DLGAP2: variants seen among roughly 807,000 people sequenced by gnomAD.
DLGAP2 encodes DLG associated protein 2.
Under a neutral mutation model 100.3 loss-of-function variants are expected in DLGAP2, and 26 were observed. That is an observed-to-expected ratio of 0.26 (90% confidence interval 0.19 to 0.36). The LOEUF is 0.36. DLGAP2 is among the 10% of genes least tolerant of loss of function. The pLI is 1.00. For synonymous variants in DLGAP2, 886 were observed against 630.1 expected (o/e 1.41, Z -6.08); for missense variants, 1,858 against 1,453.2 (o/e 1.28, Z -4.53).
intron 3 of DLGAP2, among the ~76,000 whole-genome samples, chr8:1,419,406 T>A (rs1267205496): frequency 3.6e-5 from 3 of 82,496 alleles, no homozygotes; most frequent in Non-Finnish European, 7.2e-5. Flanking sequence ...ACAGTAATTG[T>A]ACATATTTGT....
intron 2 of DLGAP2, among the ~76,000 whole-genome samples, chr8:1,173,846 T>C (rs1797189056): frequency 6.6e-6 from 1 of 152,226 alleles, no homozygotes; most frequent in African/African-American, 2.4e-5. Flanking sequence ...AGTGAGGCAA[T>C]GCGTCGCCCT....
At chr8:1,332,384 TGTTA>T (rs1009711472) in intron 3 of DLGAP2, among the ~76,000 whole-genome samples, 69 of 152,142 alleles carry the variant, frequency 4.5e-4, no homozygotes, top group African/African-American at 1.6e-3. Context: ...TGCACATGTG[TGTTA>T]GTGTGTGTCT....
Position 1,676,595 on chromosome 8 carries a change from G to A in DLGAP2, c.2265G>A (p.Gly755=), listed in dbSNP as rs767793627. Reference sequence around the variant, plus strand: ...GTCTGCGGGAATACCACTCTGTCGGGGTGCAAGTGGAAGATGAGAAGCGGT... The same window carrying A: ...GTCTGCGGGAATACCACTCTGTCGGAGTGCAAGTGGAAGATGAGAAGCGGT... ...SRGLREYHSV[G]VQVEDEKRHG... is the part of the protein sequence containing the mutation. The change falls in exon 11 of 15, where the codon GGG becomes GGA. Residue 755 remains glycine, a synonymous_variant. Coordinates refer to ENST00000637795, the MANE Select transcript of DLGAP2 (RefSeq NM_001346810.2). 5 of 1,613,168 alleles carry A rather than the reference G, an allele frequency of 3.1e-6. No homozygotes were observed. Among genetic ancestry groups the A allele is most frequent in the Non-Finnish European group, 2.5e-6 (3 of 1,179,602 alleles).
At chr8:1,453,033 G>C (rs148219378) in intron 3 of DLGAP2, among the ~76,000 whole-genome samples, 9 of 152,322 alleles carry the variant, frequency 5.9e-5, no homozygotes, top group African/African-American at 2.2e-4. Flanking sequence ...AGTGCCATCT[G>C]TGAAGGGTTA....
chr8:1,661,176 G>T (rs1798400975), intron 8 of DLGAP2, among the ~76,000 whole-genome samples: 1 of 152,198 alleles, frequency 6.6e-6, no homozygotes, highest in Non-Finnish European at 1.5e-5. Flanking sequence ...TTTTCTTCCT[G>T]TTCACGTTGG....
At chr8:1,568,684 G>A (rs1181991825) in intron 6 of DLGAP2, among the ~76,000 whole-genome samples, 25 of 67,236 alleles carry the variant, frequency 3.7e-4, no homozygotes, top group Admixed American at 7.2e-4. Context: ...ACACAAATCC[G>A]TCTCTGCCCG....
At chr8:1,650,287 A>T (rs968791957) in intron 8 of DLGAP2, among the ~76,000 whole-genome samples, 9 of 152,254 alleles carry the variant, frequency 5.9e-5, no homozygotes, top group Admixed American at 1.3e-4. Flanking sequence ...TAGATTTAGA[A>T]GCTCCATATA....
At position 1,080,548 on chromosome 8, in the gene DLGAP2, G is replaced by A. The variant is rs534996066; in HGVS notation, c.73+172582G>A. ...GAATAGGGACCTGGCCTCTGTGCTC[G>A]CACGTCTGAAGTGGGGTGGGAAAGC... On this transcript the variant is annotated intron_variant, in intron 2 of 14. Transcript: ENST00000637795. 2.0e-5 allele frequency among the ~76,000 whole-genome samples: 3 copies of A among 151,604 alleles called. 1 individual carries two copies. Among genetic ancestry groups the A allele is most frequent in the Admixed American group, 1.3e-4 (2 of 15,228 alleles).
intron 4 of DLGAP2, among the ~76,000 whole-genome samples, chr8:1,513,295 C>G (rs991743763): frequency 6.8e-6 from 1 of 146,438 alleles, no homozygotes; most frequent in Non-Finnish European, 1.5e-5. Flanking sequence ...GGATAAGCGT[C>G]TGCCTTTCCC....
intron 6 of DLGAP2, among the ~76,000 whole-genome samples, chr8:1,575,737 T>C (rs7004265): frequency 0.59 from 89,177 of 149,910 alleles, 28,082 homozygotes; most frequent in African/African-American, 0.82. Context: ...TTTGTTCTTG[T>C]GATAGTTTGC....
At chr8:1,111,916 A>T (rs187776832) in intron 2 of DLGAP2, among the ~76,000 whole-genome samples, 169 of 152,308 alleles carry the variant, frequency 1.1e-3, no homozygotes, top group African/African-American at 3.6e-3. Context: ...CTCTGGATAT[A>T]TACCCGCTAA....
intron 3 of DLGAP2, among the ~76,000 whole-genome samples, chr8:1,387,526 C>T (rs1186598699): frequency 2.0e-5 from 3 of 152,068 alleles, no homozygotes; most frequent in East Asian, 1.9e-4. Flanking sequence ...GGACGGTGGT[C>T]GTGGTTGCAC....
intron 1 of DLGAP2, among the ~76,000 whole-genome samples, chr8:828,093 C>T (rs868798309): frequency 6.6e-6 from 1 of 152,052 alleles, no homozygotes; most frequent in African/African-American, 2.4e-5. Context: ...CAAGTGGAGG[C>T]ACGGCGAGAT....
intron 2 of DLGAP2, among the ~76,000 whole-genome samples, chr8:930,472 G>A (rs1001873000): frequency 6.6e-6 from 1 of 152,360 alleles, no homozygotes; most frequent in South Asian, 2.1e-4. Flanking sequence ...AAGCCAGGGG[G>A]TGAGAGGGTT....
chr8:1,307,246 C>G (rs1199558156), intron 3 of DLGAP2, among the ~76,000 whole-genome samples: 1 of 152,080 alleles, frequency 6.6e-6, no homozygotes, highest in African/African-American at 2.4e-5. Context: ...CAAGAAGATT[C>G]ACAAATGACC....
chr8:1,493,235 A>T (rs1437380321), intron 3 of DLGAP2, among the ~76,000 whole-genome samples: 1 of 152,048 alleles, frequency 6.6e-6, no homozygotes, highest in African/African-American at 2.4e-5. Context: ...CCATGGATGG[A>T]GCGCATAGAG....
In DLGAP2 at chr8:1,704,643, TAC is replaced by T. The variant is rs944096545; in HGVS notation, c.*3239_*3240del. The T allele has an allele frequency of 3.3e-5, 5 of 152,184 alleles. No individual in the cohort carries two copies. Among genetic ancestry groups the T allele is most frequent in the African/African-American group, 9.7e-5 (4 of 41,444 alleles). 9.4% of individuals were successfully genotyped at this position (152,184 alleles called of 1,614,324 possible). A position where few individuals can be genotyped will look rare whatever the true frequency, so the allele number is the denominator to read the frequency against. On this transcript the variant is annotated 3_prime_UTR_variant, in exon 15 of 15. Coordinates refer to ENST00000637795, the MANE Select transcript of DLGAP2 (RefSeq NM_001346810.2). ...GAACTGTTTATGATACCAAAAAAATTACAGTTTTGTTTAAAAGGAAATGTTGA... is the reference window on the plus strand; with the variant it reads ...GAACTGTTTATGATACCAAAAAAATTAGTTTTGTTTAAAAGGAAATGTTGA...
chr8:985,648 T>C (rs1028766091), intron 2 of DLGAP2, among the ~76,000 whole-genome samples: 2 of 152,260 alleles, frequency 1.3e-5, no homozygotes, highest in African/African-American at 4.8e-5. Context: ...AAGTACAATC[T>C]GTATTATCTG....
chr8:1,476,700 C>T (rs1281034243), intron 3 of DLGAP2, among the ~76,000 whole-genome samples: 1 of 151,942 alleles, frequency 6.6e-6, no homozygotes, highest in South Asian at 2.1e-4. Context: ...CAGACCCACC[C>T]TTGATGGCTG....
Sources: allele counts gnomAD v4.1 joint callset (sites outside exome capture counted in the v4.1 genomes callset), GRCh38; gene constraint gnomAD v4.1.1; transcripts MANE v1.5; gene names NCBI Gene and HGNC (gene_info 2026-07-23, HGNC 2026-07-21).